Variants in ATP6V0C observed in about 807,000 individuals in gnomAD.
ATP6V0C encodes the protein V-type proton ATPase 16 kDa proteolipid subunit c.
Under a neutral mutation model 10.6 loss-of-function variants are expected in ATP6V0C, and 2 were observed. That is an observed-to-expected ratio of 0.19 (90% CI 0.08 to 0.59). The LOEUF (loss-of-function observed/expected upper bound fraction) is 0.59, where lower values mean the gene tolerates loss of function less well. Among genes scored for constraint, ATP6V0C ranks in the 20% least tolerant of loss-of-function variants. The pLI, the probability that ATP6V0C is intolerant of heterozygous loss-of-function variation, is 0.90. For missense variants in ATP6V0C, 89 were observed against 225.9 expected, an observed-to-expected ratio of 0.39 and a Z score of 3.88; for synonymous variants, 128 against 101.3, an observed-to-expected ratio of 1.26 and a Z score of -1.59.
chr16:2,515,554 G>A (rs1486881697), intron 1 of ATP6V0C, among the ~76,000 whole-genome samples: 1 of 152,190 alleles, frequency 6.6e-6, no homozygotes, highest in African/African-American at 2.4e-5. Context: ...GTCATTTGTG[G>A]TGGAAGAAGT....
intron 1 of ATP6V0C, among the ~76,000 whole-genome samples, chr16:2,515,592 A>AC (rs1350014817): frequency 2.0e-5 from 3 of 151,944 alleles, no homozygotes; most frequent in Non-Finnish European, 4.4e-5. Flanking sequence ...CCCCCTAGGC[A>AC]CCGCCTGCTC....
chr16:2,519,550 C>T lies in ATP6V0C; in HGVS notation c.273C>T (p.Leu91=). 6.5e-7 allele frequency: 1 copy of T among 1,549,294 alleles called. No homozygotes were observed. The change falls in exon 3 of 3, where the codon CTC becomes CTT. Residue 91 remains leucine (L), a synonymous_variant. Transcript: ENST00000330398. ...CTCTTCTCGCCCCCAGGAGCTTCCTCCAGCTGGGCGCCGGCCTGAGCGTGG... is the reference window on the plus strand; with the variant it reads ...CTCTTCTCGCCCCCAGGAGCTTCCTTCAGCTGGGCGCCGGCCTGAGCGTGG... ...NDDISLYKSF[L]QLGAGLSVGL...
Position 2,514,088 on chromosome 16 carries a change from C to T in ATP6V0C, c.-16C>T, listed in dbSNP as rs368305483. ...CGCCTCGGCCCGCAGAGCTTGCCCCCTCCCCACCCGCAGACATGTCCGAGT... is the reference window on the plus strand; with the variant it reads ...CGCCTCGGCCCGCAGAGCTTGCCCCTTCCCCACCCGCAGACATGTCCGAGT... On this transcript the variant is annotated 5_prime_UTR_variant, in exon 1 of 3. Coordinates refer to ENST00000330398, the MANE Select transcript of ATP6V0C (RefSeq NM_001694.4). The T allele has an allele frequency of 4.7e-5, 73 of 1,567,926 alleles. No individual in the cohort carries two copies. In the African/African-American group the frequency reaches 9.0e-4, roughly 19 times the overall value.
In ATP6V0C at chr16:2,520,211, G is replaced by T; in HGVS notation, c.*466G>T. 1 of 459,082 alleles carries T rather than the reference G, an allele frequency of 2.2e-6. No homozygotes were observed. Among genetic ancestry groups the T allele is most frequent in the South Asian group, 2.6e-5 (1 of 38,422 alleles). The allele number at this position is 459,082 out of a possible 1,614,324, so 28.4% of individuals were successfully genotyped here. On this transcript the variant is annotated 3_prime_UTR_variant, in exon 3 of 3. Coordinates refer to ENST00000330398, the MANE Select transcript of ATP6V0C (RefSeq NM_001694.4). Reference sequence around the variant, plus strand: ...CGGAGCTGTGTCCAATAAAGTTCTTGGATGTGACGGGCCTGTGTCTGCTCA... The same window carrying T: ...CGGAGCTGTGTCCAATAAAGTTCTTTGATGTGACGGGCCTGTGTCTGCTCA...
upstream of ATP6V0C, chr16:2,513,785 A>C: frequency 2.8e-5 from 5 of 179,994 alleles, no homozygotes; most frequent in East Asian, 4.1e-4. Context: ...AGGCCGAGGC[A>C]GGGCGGGGCC....
At position 2,514,045 on chromosome 16, in the gene ATP6V0C, C is replaced by G. The variant is rs534368346; in HGVS notation, c.-59C>G. The G allele has an allele frequency of 4.1e-6, 6 of 1,481,390 alleles. No individual in the cohort carries two copies. The South Asian group carries it at 4.9e-5, about 12-fold the overall frequency. The allele number at this position is 1,481,390 out of a possible 1,614,324, so 91.8% of individuals were successfully genotyped here. A position where few individuals can be genotyped will look rare whatever the true frequency, so the allele number is the denominator to read the frequency against. ...CAAACCTTCGTGCCCGGCCCGTCCT[C>G]GCCCCCGCCTCCGCCACCGCCTCGG... On this transcript the variant is annotated 5_prime_UTR_variant, in exon 1 of 3. Coordinates refer to ENST00000330398, the MANE Select transcript of ATP6V0C (RefSeq NM_001694.4).
rs147497038 is a variant in ATP6V0C at position 2,514,108 on chromosome 16, C to T, written c.5C>T (p.Ser2Phe). The T allele has an allele frequency of 1.1e-5, 18 of 1,580,096 alleles. No homozygotes were observed. Among genetic ancestry groups the T allele is most frequent in the African/African-American group, 1.4e-5 (1 of 71,712 alleles). ...GCCCCCTCCCCACCCGCAGACATGT[C>T]CGAGTCCAAGAGCGGCCCCGAGTAT... M[S>F]ESKSGPEYAS... The change falls in exon 1 of 3, where the codon TCC (serine) becomes TTC (phenylalanine). Residue 2 changes from serine (S) to phenylalanine (F), a missense_variant. Ser to Phe is a radical substitution (Grantham distance 155, BLOSUM62 -2). Transcript: ENST00000330398.
chr16:2,519,345 C>T lies in ATP6V0C; in HGVS notation c.207C>T (p.Gly69=). ...VVMAGIIAIY[G]LVVAVLIANS... is the part of the protein sequence containing the mutation. Reference sequence around the variant, plus strand: ...TGGCTGGCATCATCGCCATCTACGGCCTGGTGGTGGCAGTCCTCATCGCCA... The same window carrying T: ...TGGCTGGCATCATCGCCATCTACGGTCTGGTGGTGGCAGTCCTCATCGCCA... Residue 69 remains glycine, a synonymous_variant, in exon 2 of 3, where the codon GGC becomes GGT. Transcript: ENST00000330398. 6.2e-7 allele frequency: 1 copy of T among 1,614,150 alleles called. No individual in the cohort carries two copies. Among genetic ancestry groups the T allele is most frequent in the Non-Finnish European group, 8.5e-7 (1 of 1,179,980 alleles).
intron 1 of ATP6V0C, 92 bp downstream of exon 1, chr16:2,514,274 G>C (rs2065865632): frequency 1.5e-6 from 2 of 1,347,914 alleles, no homozygotes; most frequent in African/African-American, 3.1e-5. Context: ...ACGTCACTCT[G>C]ACGTAATCCC....
At chr16:2,519,053 G>A in intron 1 of ATP6V0C, 165 bp from the exon 2 acceptor site, 1 of 758,376 alleles carries the variant, frequency 1.3e-6, no homozygotes, top group Non-Finnish European at 2.0e-6. Flanking sequence ...GCCCGTGGCT[G>A]TTCCTCCTGG....
rs781762981 is a variant in ATP6V0C at position 2,519,791 on chromosome 16, C to G, written c.*46C>G. On this transcript the variant is annotated 3_prime_UTR_variant, in exon 3 of 3. Transcript: ENST00000330398. ...CCACAGAATATTATGTAAAGACCAC[C>G]CCTCCTCATTCCAGAACGAACAGCC... 6 of 1,580,462 alleles carry G rather than the reference C, an allele frequency of 3.8e-6. No individual in the cohort carries two copies. Among genetic ancestry groups the G allele is most frequent in the Non-Finnish European group, 5.2e-6 (6 of 1,156,314 alleles).
rs2065900484 is a variant in ATP6V0C at position 2,519,844 on chromosome 16, C to T, written c.*99C>T. Reference sequence around the variant, plus strand: ...ACACATACGCACGGGGCCGCCGCCCCCAGTAGTTGGTCTTGTACATGCGCA... The same window carrying T: ...ACACATACGCACGGGGCCGCCGCCCTCAGTAGTTGGTCTTGTACATGCGCA... On this transcript the variant is annotated 3_prime_UTR_variant, in exon 3 of 3. Transcript: ENST00000330398. The T allele has an allele frequency of 1.4e-6, 2 of 1,475,748 alleles. No individual in the cohort carries two copies. The highest frequency in any genetic ancestry group is 1.9e-6 in the Non-Finnish European group (2 of 1,066,328). 91.4% of individuals were successfully genotyped at this position (1,475,748 alleles called of 1,614,324 possible).
At chr16:2,515,595 G>A (rs369201243) in intron 1 of ATP6V0C, among the ~76,000 whole-genome samples, 48 of 152,214 alleles carry the variant, frequency 3.2e-4, no homozygotes, top group Non-Finnish European at 5.3e-4. Context: ...CCTAGGCACC[G>A]CCTGCTCTTT....
rs1305710289 is a variant in ATP6V0C, at chr16:2,514,061, AC to A, written c.-41del. On this transcript the variant is annotated 5_prime_UTR_variant, in exon 1 of 3. Transcript: ENST00000330398. Reference sequence around the variant, plus strand: ...GCCCGTCCTCGCCCCCGCCTCCGCCACCGCCTCGGCCCGCAGAGCTTGCCCC... The same window carrying A: ...GCCCGTCCTCGCCCCCGCCTCCGCCACGCCTCGGCCCGCAGAGCTTGCCCC... 3 of 1,484,396 alleles carry A rather than the reference AC, an allele frequency of 2.0e-6. No homozygotes were observed. In the South Asian group the frequency reaches 3.7e-5, roughly 18 times the overall value. The allele number at this position is 1,484,396 out of a possible 1,614,324, so 92.0% of individuals were successfully genotyped here. A position where few individuals can be genotyped will look rare whatever the true frequency, so the allele number is the denominator to read the frequency against.
intron 1 of ATP6V0C, among the ~76,000 whole-genome samples, chr16:2,518,716 T>A (rs780806242): frequency 4.6e-5 from 7 of 152,196 alleles, no homozygotes; most frequent in Non-Finnish European, 8.8e-5. Context: ...AGCTCTGGCC[T>A]GGGTGACAAG....
rs10679792 is a variant in ATP6V0C, at chr16:2,517,753, GTC to G, written c.80-1463_80-1462del. 1.3e-3 allele frequency: 170 copies of G among 134,738 alleles called. 1 individual carries two copies. Among genetic ancestry groups the G allele is most frequent in the African/African-American group, 4.5e-3 (149 of 33,118 alleles). 8.3% of individuals were successfully genotyped at this position (134,738 alleles called of 1,614,324 possible). A position where few individuals can be genotyped will look rare whatever the true frequency, so the allele number is the denominator to read the frequency against. On this transcript the variant is annotated intron_variant, in intron 1 of 2. Coordinates refer to ENST00000330398, the MANE Select transcript of ATP6V0C (RefSeq NM_001694.4). ...TGTGTGTGTGTGTGTGTGTGTGTGT[GTC>G]TGTCAGAGATTCACTCTTGTTGTTT...
In ATP6V0C at chr16:2,513,976, C is replaced by T; in HGVS notation, c.-128C>T. ...TGTTCTGCGGTGCTGGTATTTAGAG[C>T]GCAGCGGCTGACGGGCCGGATCGCC... is the stretch of plus-strand genomic sequence containing the variant. On this transcript the variant is annotated 5_prime_UTR_variant, in exon 1 of 3. Coordinates refer to ENST00000330398, the MANE Select transcript of ATP6V0C (RefSeq NM_001694.4). 1.3e-6 allele frequency: 1 copy of T among 797,940 alleles called. No homozygotes were observed. Among genetic ancestry groups the T allele is most frequent in the Non-Finnish European group, 1.9e-6 (1 of 514,234 alleles). The allele number at this position is 797,940 out of a possible 1,614,324, so 49.4% of individuals were successfully genotyped here. A position where few individuals can be genotyped will look rare whatever the true frequency, so the allele number is the denominator to read the frequency against.
At chr16:2,519,094 C>G in intron 1 of ATP6V0C, 124 bp from the exon 2 acceptor site, 1 of 1,182,476 alleles carries the variant, frequency 8.5e-7, no homozygotes, top group Non-Finnish European at 1.1e-6. Context: ...ATGCCTTCTT[C>G]GGCTCCCCCT....
chr16:2,514,252 GT>G, intron 1 of ATP6V0C, 70 bp downstream of exon 1: 1 of 1,452,122 alleles, frequency 6.9e-7, no homozygotes. Context: ...GCTCGCCGGG[GT>G]CCGGTGTGTG....
Sources: allele counts gnomAD v4.1 joint callset (sites outside exome capture counted in the v4.1 genomes callset), GRCh38; gene constraint gnomAD v4.1.1; transcripts MANE v1.5; gene names NCBI Gene and HGNC (gene_info 2026-07-23, HGNC 2026-07-21).